The following GABBR2 variants were observed in gnomAD, a reference collection of about 807,000 sequenced individuals.
GABBR2 encodes G-protein coupled receptor 51.
A neutral mutation model predicts 105.6 loss-of-function variants in GABBR2; 23 were observed. That is an observed-to-expected ratio of 0.22 (90% CI 0.16 to 0.31). GABBR2 has a LOEUF of 0.31. Among genes scored for constraint, GABBR2 ranks in the 10% least tolerant of loss-of-function variants. The pLI, the probability that GABBR2 is intolerant of heterozygous loss-of-function variation, is 1.00. For synonymous variants in GABBR2, 478 were observed against 499.7 expected, an observed-to-expected ratio of 0.96 and a Z score of 0.58; for missense variants, 734 against 1,245.5, an observed-to-expected ratio of 0.59 and a Z score of 6.18.
rs1249484919 is a variant in GABBR2, at chr9:98,708,824, G to C, written c.-87C>G. On this transcript the variant is annotated 5_prime_UTR_variant, in exon 1 of 19. Coordinates refer to ENST00000259455, the MANE Select transcript of GABBR2 (RefSeq NM_005458.8). The stretch of plus-strand genomic sequence containing the variant: ...CCCCGCGCCAAGGTCTTCCCGCGGC[G>C]CCCGCGCAATGGCGCCGGCCCGGGC... 1 of 822,542 alleles carries C rather than the reference G, an allele frequency of 1.2e-6. No individual in the cohort carries two copies. The highest frequency in any genetic ancestry group is 1.2e-4 in the East Asian group (1 of 8,006). 51.0% of individuals were successfully genotyped at this position (822,542 alleles called of 1,614,324 possible).
intron 13 of GABBR2, among the ~76,000 whole-genome samples, chr9:98,330,523 TG>T (rs1278570533): frequency 6.6e-6 from 1 of 152,212 alleles, no homozygotes; most frequent in Admixed American, 6.5e-5. Context: ...TTGAGTTACT[TG>T]CAACCGACAA....
At chr9:98,609,228 C>T (rs1829471359) in intron 1 of GABBR2, among the ~76,000 whole-genome samples, 1 of 152,210 alleles carries the variant, frequency 6.6e-6, no homozygotes, top group African/African-American at 2.4e-5. Flanking sequence ...CCATCTCTTA[C>T]AGACTGGCAT....
chr9:98,643,344 A>G (rs1829992773), intron 1 of GABBR2, among the ~76,000 whole-genome samples: 1 of 143,602 alleles, frequency 7.0e-6, no homozygotes, highest in African/African-American at 2.7e-5. Context: ...CATTTCCTCC[A>G]TGGAATCTGC....
At chr9:98,677,889 G>A (rs1021491370) in intron 1 of GABBR2, among the ~76,000 whole-genome samples, 1 of 152,102 alleles carries the variant, frequency 6.6e-6, no homozygotes, top group Non-Finnish European at 1.5e-5. Context: ...GTTTCAAACA[G>A]AAATCACTCA....
chr9:98,531,976 G>C (rs1444877264), intron 3 of GABBR2, among the ~76,000 whole-genome samples: 1 of 152,164 alleles, frequency 6.6e-6, no homozygotes, highest in Non-Finnish European at 1.5e-5. Flanking sequence ...CCATGTCTGT[G>C]CACCACCCGT....
chr9:98,388,804 G>C lies in GABBR2; in HGVS notation c.1529+50C>G. 1 of 1,499,968 alleles carries C rather than the reference G, an allele frequency of 6.7e-7. No individual in the cohort carries two copies. Among genetic ancestry groups the C allele is most frequent in the Non-Finnish European group, 9.2e-7 (1 of 1,086,122 alleles). The allele number at this position is 1,499,968 out of a possible 1,614,324, so 92.9% of individuals were successfully genotyped here. The stretch of plus-strand genomic sequence containing the variant: ...TGGCACTCCTATACTGTGTCCATAG[G>C]CTTGTCAATTTAGAAAGTGATATCA... On this transcript the variant is annotated intron_variant, in intron 10 of 18. Coordinates refer to ENST00000259455, the MANE Select transcript of GABBR2 (RefSeq NM_005458.8). The surrounding 1 kb of genome is among the most constrained non-coding windows in gnomAD (Gnocchi z 4.4).
chr9:98,578,188 T>A, intron 1 of GABBR2, 116 bp from the exon 2 acceptor site: 2 of 1,161,088 alleles, frequency 1.7e-6, no homozygotes, highest in Non-Finnish European at 2.5e-6. Flanking sequence ...AGTTCTCCCA[T>A]GGTGGGGAGT....
chr9:98,314,611 C>T lies in GABBR2; in HGVS notation c.1894-3406G>A, dbSNP rs114073217. 3.9e-5 allele frequency among the ~76,000 whole-genome samples: 6 copies of T among 152,244 alleles called. No individual in the cohort carries two copies. The East Asian group carries it at 9.7e-4, about 25-fold the overall frequency. On this transcript the variant is annotated intron_variant, in intron 13 of 18. Transcript: ENST00000259455. ...GCAGGGAGCCCCTCCCTCCTGCTCC[C>T]GGTGAGGTAGTACACAGTGCTTTCA...
intron 8 of GABBR2, among the ~76,000 whole-genome samples, chr9:98,396,477 C>G (rs780222918): frequency 1.3e-5 from 2 of 152,190 alleles, no homozygotes; most frequent in Non-Finnish European, 2.9e-5. Flanking sequence ...GTGGTGGAAA[C>G]AGGGGCTGTA....
chr9:98,487,359 A>T (rs927924874), intron 4 of GABBR2, among the ~76,000 whole-genome samples: 1 of 152,026 alleles, frequency 6.6e-6, no homozygotes, highest in African/African-American at 2.4e-5. Context: ...TTCCCTAAGG[A>T]CTTTTTTTTG....
intron 13 of GABBR2, among the ~76,000 whole-genome samples, chr9:98,327,150 G>A (rs1373705377): frequency 6.6e-6 from 1 of 152,212 alleles, no homozygotes; most frequent in Non-Finnish European, 1.5e-5. Flanking sequence ...TATTATAGCA[G>A]CACTGATTTT....
Position 98,311,201 on chromosome 9 carries a change from T to C in GABBR2, c.1898A>G (p.Asp633Gly). 6.2e-7 allele frequency: 1 copy of C among 1,608,028 alleles called. No homozygotes were observed. The highest frequency in any genetic ancestry group is 8.5e-7 in the Non-Finnish European group (1 of 1,174,504). Residue 633 changes from aspartate (D) to glycine (G), a missense_variant, in exon 14 of 19, where the codon GAC becomes GGC. Around this residue, in one of 7 missense-constraint regions of GABBR2, gnomAD observed 52 missense variants for 81.3 expected, o/e 0.64. Transcript: ENST00000259455. ...GATGGAGATATCCCGTCCTGCTGGG[T>C]CCGGCTGTGCAAAGAGAAAACAGAG... is the stretch of plus-strand genomic sequence containing the variant. ...RTVEKYSMEP[D>G]PAGRDISIRP...
At chr9:98,380,628 A>C (rs1365745867) in intron 11 of GABBR2, among the ~76,000 whole-genome samples, 3 of 152,218 alleles carry the variant, frequency 2.0e-5, no homozygotes, top group Non-Finnish European at 4.4e-5. Flanking sequence ...GTGTCCAGGG[A>C]GACAGCACGG....
intron 5 of GABBR2, among the ~76,000 whole-genome samples, chr9:98,478,877 C>T (rs1346558310): frequency 6.6e-6 from 1 of 151,982 alleles, no homozygotes; most frequent in Non-Finnish European, 1.5e-5. Flanking sequence ...TATTTGTTTT[C>T]CTCATTCGAT....
chr9:98,576,298 CCACGAATA>C (rs1828906768), intron 2 of GABBR2, among the ~76,000 whole-genome samples: 1 of 152,202 alleles, frequency 6.6e-6, no homozygotes, highest in Non-Finnish European at 1.5e-5. Flanking sequence ...GTTTTCTGTT[CCACGAATA>C]CACCAGGTCC....
At chr9:98,679,912 C>T (rs1226985770) in intron 1 of GABBR2, among the ~76,000 whole-genome samples, 2 of 152,234 alleles carry the variant, frequency 1.3e-5, no homozygotes, top group Non-Finnish European at 2.9e-5. Flanking sequence ...CACAACTATC[C>T]ACTTTTTCAT....
intron 7 of GABBR2, among the ~76,000 whole-genome samples, chr9:98,428,270 G>A (rs1483087921): frequency 6.6e-6 from 1 of 152,110 alleles, no homozygotes; most frequent in East Asian, 1.9e-4. Context: ...ACCTCAGAAC[G>A]GAAGGAGGAA....
intron 2 of GABBR2, among the ~76,000 whole-genome samples, chr9:98,567,105 G>A (rs1010762160): frequency 2.4e-4 from 36 of 152,294 alleles, no homozygotes; most frequent in African/African-American, 8.4e-4. Flanking sequence ...TAAGTAGCGC[G>A]AGTGATTTAT....
chr9:98,656,708 G>A (rs1049288713), intron 1 of GABBR2, among the ~76,000 whole-genome samples: 4 of 152,196 alleles, frequency 2.6e-5, no homozygotes, highest in Non-Finnish European at 2.9e-5. Context: ...TACCAGTTAT[G>A]CCTTAACTCA....
Sources: gnomAD v4.1 joint callset for allele counts (sites outside exome capture counted in the v4.1 genomes callset) on GRCh38, gnomAD v4.1.1 for gene constraint, gnomAD v4.1.1 regional missense constraint, Gnocchi (gnomAD v3.1) non-coding constraint, MANE v1.5 for transcripts, NCBI Gene and HGNC (gene_info 2026-07-23, HGNC 2026-07-21) for gene names.